The following ANKAR variants were observed in gnomAD, a reference collection of about 807,000 sequenced individuals.
ANKAR encodes ankyrin and armadillo repeat-containing protein.
ANKAR carries 136 observed loss-of-function variants against 146.2 expected under a neutral mutation model. The observed-to-expected ratio is 0.93, with a 90% confidence interval of 0.81 to 1.07. The LOEUF (loss-of-function observed/expected upper bound fraction) is 1.07, where lower values mean the gene tolerates loss of function less well. Among genes scored for constraint, ANKAR ranks in the 50% least tolerant of loss-of-function variants. The probability of loss-of-function intolerance (pLI) is 0.00; values close to 1 mark genes in which losing one functional copy is unlikely to be tolerated. For missense variants in ANKAR, 1,567 were observed against 1,679.9 expected, an observed-to-expected ratio of 0.93 and a Z score of 1.18; for synonymous variants, 500 against 575.8, an observed-to-expected ratio of 0.87 and a Z score of 1.88.
intron 10 of ANKAR, among the ~76,000 whole-genome samples, chr2:189,713,137 G>A (rs905059114): frequency 2.5e-4 from 38 of 152,278 alleles, no homozygotes; most frequent in African/African-American, 7.7e-4. Flanking sequence ...CCAAATCTAC[G>A]TCTGATTAGT....
At chr2:189,687,712 G>A (rs1156688015) in intron 2 of ANKAR, among the ~76,000 whole-genome samples, 1 of 152,184 alleles carries the variant, frequency 6.6e-6, no homozygotes, top group Non-Finnish European at 1.5e-5. Flanking sequence ...CTGATGATCA[G>A]AGATGTTGAA....
At chr2:189,698,894 C>T (rs927503323) in intron 7 of ANKAR, among the ~76,000 whole-genome samples, 1 of 152,200 alleles carries the variant, frequency 6.6e-6, no homozygotes, top group Admixed American at 6.5e-5. Context: ...TTACCTGTCC[C>T]ATCCGCCCTG....
intron 7 of ANKAR, among the ~76,000 whole-genome samples, chr2:189,698,567 T>C (rs1418030894): frequency 6.6e-6 from 1 of 152,220 alleles, no homozygotes; most frequent in Non-Finnish European, 1.5e-5. Flanking sequence ...TTTAAGAGGC[T>C]ATACCTTCAT....
At chr2:189,750,681 A>G (rs1553539132), downstream of ANKAR, 4 of 1,538,752 alleles carry the variant, frequency 2.6e-6, no homozygotes, top group African/African-American at 5.5e-5. Flanking sequence ...GACAAATCGT[A>G]TTATTTATTT....
intron 5 of ANKAR, among the ~76,000 whole-genome samples, chr2:189,694,307 C>G (rs1460063292): frequency 6.6e-6 from 1 of 152,056 alleles, no homozygotes; most frequent in African/African-American, 2.4e-5. Flanking sequence ...AAGAGGTGTC[C>G]CACTGACAGA....
At position 189,689,861 on chromosome 2, in the gene ANKAR, G is replaced by T. The variant is rs745390203; in HGVS notation, c.936G>T (p.Gly312=). The change falls in exon 3 of 23, where the codon GGG becomes GGT. Residue 312 remains glycine, a synonymous_variant. Transcript: ENST00000684021. The stretch of plus-strand genomic sequence containing the variant: ...AGAAGAAAAAAGATATCAGAAGAGG[G>T]ATAGGATACCTAAAGTTAATATGTT... The part of the protein sequence containing the change: ...HFEKKKDIRR[G]IGYLKLICFL... The T allele has an allele frequency of 6.3e-7, 1 of 1,596,622 alleles. No homozygotes were observed. The highest frequency in any genetic ancestry group is 8.5e-7 in the Non-Finnish European group (1 of 1,173,398).
chr2:189,729,690 C>CTGTGTGTGTGTG (rs1206044488), intron 15 of ANKAR, among the ~76,000 whole-genome samples: 1 of 6,270 alleles, frequency 1.6e-4, no homozygotes, highest in African/African-American at 2.9e-4. Context: ...TCCACATCAG[C>CTGTGTGTGTGTG]TGTGCGTGTG....
rs373388806 is a variant in ANKAR at position 189,689,636 on chromosome 2, G to T, written c.711G>T (p.Met237Ile). ...PNSPEETAVF[M>I]KYAENIMLKL... ...GCCCTGAAGAAACAGCTGTATTTAT[G>T]AAATATGCTGAAAATATTATGCTAA... Residue 237 changes from methionine (M) to isoleucine (I), a missense_variant, in exon 3 of 23, where the codon ATG (methionine) becomes ATT (isoleucine). By Grantham distance (10) the Met-to-Ile change is conservative. Coordinates refer to ENST00000684021, the MANE Select transcript of ANKAR (RefSeq NM_001378068.1). The T allele has an allele frequency of 3.1e-6, 5 of 1,613,640 alleles. No individual in the cohort carries two copies. The highest frequency in any genetic ancestry group is 4.2e-6 in the Non-Finnish European group (5 of 1,179,744).
chr2:189,706,866 G>A (rs1343990078), intron 8 of ANKAR, 72 bp from the exon 9 acceptor site: 2 of 1,174,220 alleles, frequency 1.7e-6, no homozygotes, highest in Non-Finnish European at 2.4e-6. Context: ...TCCAATTGCA[G>A]CTTGAATAGT....
Position 189,733,170 on chromosome 2 carries a change from C to A in ANKAR, c.3364C>A (p.His1122Asn). ...LGNDVLQKDL[H>N]ENEGFEYADV... ...GAATGATGTGTTACAGAAAGACTTA[C>A]ATGAAAATGAAGGATTTGAATATGC... The change falls in exon 17 of 23, where the codon CAT becomes AAT. Residue 1122 changes from histidine (H) to asparagine (N), a missense_variant. Physicochemically the swap from His to Asn is moderately conservative, Grantham distance 68. Transcript: ENST00000684021. 1 of 1,612,396 alleles carries A rather than the reference C, an allele frequency of 6.2e-7. No homozygotes were observed. Among genetic ancestry groups the A allele is most frequent in the Non-Finnish European group, 8.5e-7 (1 of 1,178,998 alleles).
chr2:189,692,756 T>A (rs2036613399), intron 4 of ANKAR: 1 of 251,244 alleles, frequency 4.0e-6, no homozygotes, highest in African/African-American at 2.3e-5. Context: ...CATTCTTCCA[T>A]TTTCCTCAAA....
At chr2:189,718,359 GACACACAC>G (rs66795152) in intron 10 of ANKAR, among the ~76,000 whole-genome samples, 36 of 150,812 alleles carry the variant, frequency 2.4e-4, no homozygotes, top group East Asian at 3.9e-4. Flanking sequence ...TCTACACACA[GACACACAC>G]ACACACACAC....
chr2:189,736,499 G>GGTTTTTTTT, intron 17 of ANKAR, among the ~76,000 whole-genome samples: 1 of 113,724 alleles, frequency 8.8e-6, no homozygotes, highest in African/African-American at 3.1e-5. Flanking sequence ...AGGTGACTGG[G>GGTTTTTTTT]TTTTGTGTGT....
At chr2:189,702,069 G>A (rs1446420363) in intron 7 of ANKAR, among the ~76,000 whole-genome samples, 1 of 152,118 alleles carries the variant, frequency 6.6e-6, no homozygotes, top group Non-Finnish European at 1.5e-5. Context: ...AGGCCAGCCA[G>A]GATGGTTAGA....
At chr2:189,719,253 A>C (rs1301094371) in intron 10 of ANKAR, among the ~76,000 whole-genome samples, 1 of 152,176 alleles carries the variant, frequency 6.6e-6, no homozygotes, top group African/African-American at 2.4e-5. Context: ...ATATGGTAGC[A>C]CAAAGAATTT....
chr2:189,741,542 C>T (rs1432636032), intron 20 of ANKAR, 91 bp downstream of exon 20: 1 of 803,200 alleles, frequency 1.2e-6, no homozygotes, highest in African/African-American at 1.8e-5. Flanking sequence ...CACTGATTGA[C>T]TGTGTTATAG....
In ANKAR at chr2:189,720,670, C is replaced by A; in HGVS notation, c.2518C>A (p.Leu840Ile). ...ATTGAACTTAAACATAGAAAATGTG[C>A]TAGTAAATGTAATGAACTGTATACG... ...NLLNLNIENV[L>I]VNVMNCIRVL... is the part of the protein sequence containing the mutation. Residue 840 changes from leucine to isoleucine, a missense_variant, in exon 12 of 23, where the codon CTA becomes ATA. Coordinates refer to ENST00000684021, the MANE Select transcript of ANKAR (RefSeq NM_001378068.1). 7.1e-7 allele frequency: 1 copy of A among 1,405,088 alleles called. No individual in the cohort carries two copies. The allele number at this position is 1,405,088 out of a possible 1,614,324, so 87.0% of individuals were successfully genotyped here. A position where few individuals can be genotyped will look rare whatever the true frequency, so the allele number is the denominator to read the frequency against.
At position 189,689,955 on chromosome 2, in the gene ANKAR, C is replaced by T. The variant is rs2036145455; in HGVS notation, c.1030C>T (p.Pro344Ser). 2.0e-6 allele frequency: 3 copies of T among 1,497,828 alleles called. No homozygotes were observed. Among genetic ancestry groups the T allele is most frequent in the Non-Finnish European group, 2.7e-6 (3 of 1,129,400 alleles). 92.8% of individuals were successfully genotyped at this position (1,497,828 alleles called of 1,614,324 possible). A position where few individuals can be genotyped will look rare whatever the true frequency, so the allele number is the denominator to read the frequency against. Residue 344 changes from proline (P) to serine (S), a missense_variant, in exon 3 of 23, where the codon CCT becomes TCT. Physicochemically the swap from Pro to Ser is moderately conservative, Grantham distance 74 (BLOSUM62 -1). Transcript: ENST00000684021. ...TCCATATTTAAGTAGTCTGCTTCAG[C>T]CTTTTTCAGGTAAGAGTATCACCAA... ...KVPYLSSLLQ[P>S]FSDDKVKTER...
chr2:189,719,493 A>T (rs890870962), intron 10 of ANKAR, 79 bp from the exon 11 acceptor site: 27 of 1,174,472 alleles, frequency 2.3e-5, no homozygotes, highest in Non-Finnish European at 3.1e-5. Context: ...AATATTATTT[A>T]AATATTGCCA....
Sources: gnomAD v4.1 joint callset for allele counts (sites outside exome capture counted in the v4.1 genomes callset) on GRCh38, gnomAD v4.1.1 for gene constraint, MANE v1.5 for transcripts, NCBI Gene and HGNC (gene_info 2026-07-23, HGNC 2026-07-21) for gene names.